YTHDF2: variants seen among roughly 807,000 people sequenced by gnomAD.
YTHDF2 encodes the protein YTH domain-containing family protein 2.
YTHDF2 carries 2 observed loss-of-function variants against 50.4 expected under a neutral mutation model. The ratio of observed to expected loss-of-function variants is 0.04; its 90% confidence interval spans 0.02 to 0.12. The LOEUF is 0.12. Among genes scored for constraint, YTHDF2 ranks in the 10% least tolerant of loss-of-function variants. YTHDF2 has a pLI of 1.00. For missense variants in YTHDF2, 483 were observed against 722.6 expected, an observed-to-expected ratio of 0.67 and a Z score of 3.80; for synonymous variants, 217 against 255.6, an observed-to-expected ratio of 0.85 and a Z score of 1.44.
intron 4 of YTHDF2, among the ~76,000 whole-genome samples, chr1:28,752,703 T>G (rs1173681698): frequency 1.3e-5 from 2 of 152,166 alleles, no homozygotes; most frequent in Non-Finnish European, 2.9e-5. Flanking sequence ...GATTGCAGAT[T>G]AAATTTGTGT....
At chr1:28,763,282 G>A (rs2088161736) in intron 4 of YTHDF2, among the ~76,000 whole-genome samples, 1 of 151,696 alleles carries the variant, frequency 6.6e-6, no homozygotes, top group African/African-American at 2.4e-5. Context: ...TATCTTTAAT[G>A]TTTTTATTTG....
At chr1:28,738,206 G>C (rs2087724186) in intron 2 of YTHDF2, 53 bp from the exon 3 acceptor site, 9 of 1,445,628 alleles carry the variant, frequency 6.2e-6, no homozygotes, top group Non-Finnish European at 7.8e-6. Context: ...GAACTAATTT[G>C]AAAGGAAGAT....
At chr1:28,765,864 ACAT>A (rs1291629809) in intron 4 of YTHDF2, among the ~76,000 whole-genome samples, 2 of 152,220 alleles carry the variant, frequency 1.3e-5, no homozygotes, top group Non-Finnish European at 2.9e-5. Context: ...TACAGTCTAG[ACAT>A]CATGTCTTTT....
At chr1:28,754,574 A>G (rs1359564925) in intron 4 of YTHDF2, among the ~76,000 whole-genome samples, 1 of 151,682 alleles carries the variant, frequency 6.6e-6, no homozygotes, top group Non-Finnish European at 1.5e-5. Flanking sequence ...CTGTAATCCC[A>G]GCACTTTGGG....
intron 1 of YTHDF2, 77 bp downstream of exon 1, chr1:28,737,224 T>C (rs2124622913): frequency 6.7e-7 from 1 of 1,485,894 alleles, no homozygotes; most frequent in Non-Finnish European, 9.0e-7. Flanking sequence ...CCGCCGCTCC[T>C]GGGCAGGCCG....
At position 28,753,358 on chromosome 1, in the gene YTHDF2, C is replaced by A. The variant is rs1430443587; in HGVS notation, c.1716+9372C>A. ...GCAACATAATGAAATCCTGCCTCTCCAAAAAAAAAAAAAAAAAAAAAAAAA... is the reference window on the plus strand; with the variant it reads ...GCAACATAATGAAATCCTGCCTCTCAAAAAAAAAAAAAAAAAAAAAAAAAA... On this transcript the variant is annotated intron_variant, in intron 4 of 4. Transcript: ENST00000373812. Among the ~76,000 whole-genome samples, 46 of 16,946 alleles carry A rather than the reference C, an allele frequency of 2.7e-3. 20 individuals are homozygous for A. Among genetic ancestry groups the A allele is most frequent in the Admixed American group, 4.7e-3 (5 of 1,072 alleles). 11.1% of individuals were successfully genotyped at this position (16,946 alleles called of 152,430 possible). A position where few individuals can be genotyped will look rare whatever the true frequency, so the allele number is the denominator to read the frequency against.
chr1:28,766,822 A>G (rs973256480), intron 4 of YTHDF2, among the ~76,000 whole-genome samples: 11 of 150,560 alleles, frequency 7.3e-5, no homozygotes, highest in Admixed American at 6.7e-4. Context: ...TTTCCAATCT[A>G]TACTTTTCCT....
intron 4 of YTHDF2, among the ~76,000 whole-genome samples, chr1:28,747,137 TG>T (rs1175036715): frequency 6.6e-6 from 1 of 152,126 alleles, no homozygotes; most frequent in Non-Finnish European, 1.5e-5. Flanking sequence ...TTTGCTAGAG[TG>T]GTTCAGTTAA....
Position 28,743,346 on chromosome 1 carries a change from G to C in YTHDF2, c.1076G>C (p.Ser359Thr). ...TGGGTAGCACCTCGGAACCGTGGCA[G>C]TGGGTTCGGTCATAATGGGGTGGAT... ...TRWVAPRNRG[S>T]GFGHNGVDGN... The change falls in exon 4 of 5, where the codon AGT (serine) becomes ACT (threonine). Residue 359 changes from serine (S) to threonine (T), a missense_variant. By Grantham distance (58) the Ser-to-Thr change is moderately conservative (BLOSUM62 1). This residue lies in a region of YTHDF2 where 385 missense variants were observed against 475.8 expected (regional missense o/e 0.81). Coordinates refer to ENST00000373812, the MANE Select transcript of YTHDF2 (RefSeq NM_016258.3). The surrounding 1 kb of genome is among the most constrained non-coding windows in gnomAD (Gnocchi z 6.9). The C allele has an allele frequency of 6.2e-7, 1 of 1,614,226 alleles. No individual in the cohort carries two copies. The highest frequency in any genetic ancestry group is 8.5e-7 in the Non-Finnish European group (1 of 1,180,044).
chr1:28,761,126 TG>T (rs2088120001), intron 4 of YTHDF2, among the ~76,000 whole-genome samples: 9 of 116,532 alleles, frequency 7.7e-5, no homozygotes, highest in African/African-American at 1.8e-4. Flanking sequence ...TGTGTGTGTG[TG>T]TGTATTTTTT....
intron 4 of YTHDF2, among the ~76,000 whole-genome samples, chr1:28,750,926 C>T (rs761822560): frequency 2.0e-5 from 3 of 151,532 alleles, no homozygotes; most frequent in Non-Finnish European, 4.4e-5. Flanking sequence ...AACCCTGTCT[C>T]TACAACAAAT....
At chr1:28,736,905 T>G, upstream of YTHDF2, 56 of 454,346 alleles carry the variant, frequency 1.2e-4, no homozygotes, top group Non-Finnish European at 1.7e-4. Context: ...GGCGCGCGCG[T>G]AAAAGCATAG....
At chr1:28,768,185 G>A (rs2088249553) in intron 4 of YTHDF2, among the ~76,000 whole-genome samples, 1 of 152,074 alleles carries the variant, frequency 6.6e-6, no homozygotes, top group Admixed American at 6.5e-5. Context: ...GCTACAGAGC[G>A]AGACTCTGTC....
Position 28,748,011 on chromosome 1 carries a change from C to T in YTHDF2, c.1716+4025C>T, listed in dbSNP as rs537662966. 8.3e-4 allele frequency among the ~76,000 whole-genome samples: 103 copies of T among 124,254 alleles called. 1 individual carries two copies. The highest frequency in any genetic ancestry group is 3.9e-3 in the Middle Eastern group (1 of 258). The allele number at this position is 124,254 out of a possible 152,430, so 81.5% of individuals were successfully genotyped here. ...GGTGTGATGGTGGGCTCCTGTAGTC[C>T]CAGCTACTCGGGAGGCTGAGGCAGG... On this transcript the variant is annotated intron_variant, in intron 4 of 4. Coordinates refer to ENST00000373812, the MANE Select transcript of YTHDF2 (RefSeq NM_016258.3).
intron 4 of YTHDF2, among the ~76,000 whole-genome samples, chr1:28,758,188 C>A (rs1034556168): frequency 6.6e-6 from 1 of 151,980 alleles, no homozygotes; most frequent in African/African-American, 2.4e-5. Context: ...AGTTGGAGAC[C>A]AGCATGGGCA....
intron 4 of YTHDF2, among the ~76,000 whole-genome samples, chr1:28,761,651 C>T (rs2088134071): frequency 1.3e-5 from 2 of 152,014 alleles, no homozygotes; most frequent in African/African-American, 2.4e-5. Context: ...GCAGAAGAAT[C>T]GCTTGAACCC....
At chr1:28,752,708 TTG>T (rs1006586015) in intron 4 of YTHDF2, among the ~76,000 whole-genome samples, 12 of 152,148 alleles carry the variant, frequency 7.9e-5, no homozygotes, top group East Asian at 1.9e-4. Context: ...CAGATTAAAT[TTG>T]TGTGTCACGA....
rs2087700392 is a variant in YTHDF2, at chr1:28,737,090, C to T, written c.-31C>T. 1.3e-6 allele frequency: 2 copies of T among 1,586,538 alleles called. No individual in the cohort carries two copies. The highest frequency in any genetic ancestry group is 2.3e-5 in the East Asian group (1 of 43,390). ...CGCCGCCGCGCTGAGGAGAGTTCGC[C>T]GCCGTCGCCGCCCGTGAGGATCTGA... On this transcript the variant is annotated 5_prime_UTR_variant, in exon 1 of 5. Coordinates refer to ENST00000373812, the MANE Select transcript of YTHDF2 (RefSeq NM_016258.3).
chr1:28,761,129 G>GTGTTTT (rs1440540368), intron 4 of YTHDF2, among the ~76,000 whole-genome samples: 2 of 35,296 alleles, frequency 5.7e-5, no homozygotes, highest in Non-Finnish European at 1.3e-4. Flanking sequence ...GTGTGTGTGT[G>GTGTTTT]TATTTTTTTT....
Sources: gnomAD v4.1 joint callset for allele counts (sites outside exome capture counted in the v4.1 genomes callset) on GRCh38, gnomAD v4.1.1 for gene constraint, gnomAD v4.1.1 regional missense constraint, Gnocchi (gnomAD v3.1) non-coding constraint, MANE v1.5 for transcripts, NCBI Gene and HGNC (gene_info 2026-07-23, HGNC 2026-07-21) for gene names.